Variants in FBN3 observed in about 807,000 individuals in gnomAD.
The protein encoded by FBN3 is fibrillin 3, also known as fibrillin-3.
In FBN3, 234 loss-of-function variants were observed where a neutral mutation model predicts 330.1. The observed-to-expected ratio is 0.71, with a 90% CI of 0.64 to 0.79. FBN3 has a LOEUF of 0.79. FBN3 is among the 30% of genes least tolerant of loss of function. FBN3 has a pLI of 0.00. For missense variants in FBN3, 3,606 were observed against 3,886.9 expected (o/e 0.93, Z 1.92); for synonymous variants, 1,458 against 1,517.3 (o/e 0.96, Z 0.91).
chr19:8,111,904 C>T (rs2082594975), intron 31 of FBN3, 73 bp downstream of exon 31: 2 of 828,416 alleles, frequency 2.4e-6, no homozygotes, highest in African/African-American at 3.8e-5. Context: ...CCTCCCACTG[C>T]CTTGCCCCCC....
intron 10 of FBN3, among the ~76,000 whole-genome samples, chr19:8,137,519 T>A (rs993089989): frequency 6.6e-6 from 1 of 152,094 alleles, no homozygotes; most frequent in African/African-American, 2.4e-5. Flanking sequence ...CAAATCCTCA[T>A]TATGGGGCAA....
Position 8,088,068 on chromosome 19 carries a change from G to T in FBN3, c.6488C>A (p.Thr2163Asn), listed in dbSNP as rs2082008545. ...ADGFEPGLMM[T>N]CEDIDECSLN... ...GGCAAGCAGAGTTGTACCCTCGCAG[G>T]TCATCATGAGGCCAGGCTCAAAGCC... Residue 2163 changes from threonine (T) to asparagine (N), a missense_variant, in exon 52 of 64, where the codon ACC becomes AAC. Transcript: ENST00000600128. 3.7e-6 allele frequency: 6 copies of T among 1,614,096 alleles called. No homozygotes were observed. The highest frequency in any genetic ancestry group is 3.3e-5 in the Admixed American group (2 of 60,024).
At chr19:8,092,163 G>A (rs1342226422) in intron 47 of FBN3, among the ~76,000 whole-genome samples, 1 of 149,972 alleles carries the variant, frequency 6.7e-6, no homozygotes, top group Non-Finnish European at 1.5e-5. Context: ...GGGTGACAGA[G>A]CGAGACTCTG....
chr19:8,142,099 C>A lies in FBN3; in HGVS notation c.580G>T (p.Glu194Ter). 1.2e-6 allele frequency: 2 copies of A among 1,613,098 alleles called. No individual in the cohort carries two copies. Among genetic ancestry groups the A allele is most frequent in the East Asian group, 2.2e-5 (1 of 44,844 alleles). Residue 194 changes from glutamate (E) to a stop codon, truncating the protein, a stop_gained, in exon 7 of 64, where the codon GAG becomes TAG. Coordinates refer to ENST00000600128, the MANE Select transcript of FBN3 (RefSeq NM_032447.5). LOFTEE classifies it high-confidence loss of function. The stretch of plus-strand genomic sequence containing the variant: ...CCCGTCAGCTGATGCTGGCACCCCT[C>A]GGGGCCTACTTGGCCAAAGCAGGGT... Reference protein sequence around the residue: ...TGPCFGQVGPEGCQHQLTGLV... With the variant: ...TGPCFGQVGP
chr19:8,077,923 A>G lies in FBN3; in HGVS notation c.7454-2512T>C, dbSNP rs181851678. On this transcript the variant is annotated intron_variant, in intron 59 of 63. Coordinates refer to ENST00000600128, the MANE Select transcript of FBN3 (RefSeq NM_032447.5). The stretch of plus-strand genomic sequence containing the variant: ...AAAACCCCGTCTCTACAAAAAATAC[A>G]AAAATTAGCCGGGCGTGGTGGCACA... Among the ~76,000 whole-genome samples, 3 of 152,078 alleles carry G rather than the reference A, an allele frequency of 2.0e-5. No individual in the cohort carries two copies. In the East Asian group the frequency reaches 5.8e-4, roughly 29 times the overall value.
intron 6 of FBN3, among the ~76,000 whole-genome samples, chr19:8,143,267 C>G (rs1323646616): frequency 6.6e-6 from 1 of 152,164 alleles, no homozygotes; most frequent in East Asian, 1.9e-4. Flanking sequence ...GCCATCTCAG[C>G]CCCAGGCCTG....
chr19:8,139,566 T>C (rs1038605060), intron 8 of FBN3, among the ~76,000 whole-genome samples: 4 of 151,724 alleles, frequency 2.6e-5, no homozygotes, highest in Non-Finnish European at 5.9e-5. Context: ...TGTCTTTGCT[T>C]GCTGGCTTCA....
intron 48 of FBN3, among the ~76,000 whole-genome samples, chr19:8,090,485 T>G (rs369575321): frequency 3.2e-5 from 2 of 61,674 alleles, no homozygotes; most frequent in African/African-American, 5.4e-5. Context: ...GTGGTGGTGG[T>G]GGTTTTTTTT....
intron 59 of FBN3, among the ~76,000 whole-genome samples, chr19:8,079,202 C>G (rs1347213774): frequency 3.3e-5 from 5 of 152,076 alleles, no homozygotes. Context: ...TTGTGAATAG[C>G]CACTGTACTC....
chr19:8,125,393 GA>G (rs1470463974), intron 22 of FBN3, among the ~76,000 whole-genome samples: 1 of 150,552 alleles, frequency 6.6e-6, no homozygotes. Flanking sequence ...CTGCCTGGGT[GA>G]CAGAGTGAGA....
At chr19:8,128,225 T>C (rs1306898005) in intron 18 of FBN3, among the ~76,000 whole-genome samples, 3 of 152,100 alleles carry the variant, frequency 2.0e-5, no homozygotes, top group Admixed American at 2.0e-4. Flanking sequence ...CCCCTGAGTG[T>C]GTACAACCAT....
At chr19:8,117,056 G>T in intron 28 of FBN3, 113 bp downstream of exon 28, 1 of 1,469,494 alleles carries the variant, frequency 6.8e-7, no homozygotes. Flanking sequence ...GGGGTGCCTC[G>T]GGTCTGGCTG....
rs762246052 is a variant in FBN3 at position 8,126,524 on chromosome 19, T to A, written c.2498A>T (p.Glu833Val). 75 of 1,613,120 alleles carry A rather than the reference T, an allele frequency of 4.6e-5. 1 individual carries two copies. In the South Asian group the frequency reaches 8.1e-4, roughly 17 times the overall value. ...GGCTGCCCCGAGGGTGGCGCAGCAC[T>A]CAGACCGCAGGCTGGCTCCCTGAAG... The part of the protein sequence containing the change: ...VNLQGASLRS[E>V]CCATLGAAWG... The change falls in exon 20 of 64, where the codon GAG (glutamate) becomes GTG (valine). Residue 833 changes from glutamate to valine, a missense_variant. Physicochemically the swap from Glu to Val is moderately radical, Grantham distance 121. Transcript: ENST00000600128.
At chr19:8,134,643 T>G (rs2083235596) in intron 13 of FBN3, among the ~76,000 whole-genome samples, 1 of 151,932 alleles carries the variant, frequency 6.6e-6, no homozygotes, top group African/African-American at 2.4e-5. Flanking sequence ...CACAAAAAAA[T>G]AAATACATGG....
rs145943652 is a variant in FBN3 at position 8,100,938 on chromosome 19, C to G, written c.5124G>C (p.Pro1708=). 1 of 1,613,696 alleles carries G rather than the reference C, an allele frequency of 6.2e-7. No individual in the cohort carries two copies. The highest frequency in any genetic ancestry group is 8.5e-7 in the Non-Finnish European group (1 of 1,179,848). ...DYQILCGNQA[P]GFLTDIHTGK... ...CCGTGTGGATGTCAGTGAGGAATCC[C>G]GGGGCCTGATTTCCACACAGGATCT... The change falls in exon 41 of 64, where the codon CCG becomes CCC. Residue 1708 remains proline, a synonymous_variant. Transcript: ENST00000600128.
chr19:8,108,082 A>G (rs2144803596), intron 37 of FBN3, 88 bp downstream of exon 37: 1 of 1,154,656 alleles, frequency 8.7e-7, no homozygotes, highest in Admixed American at 2.2e-5. Context: ...GGACAAAACT[A>G]CTCAACTCTA....
In FBN3 at chr19:8,130,572, G is replaced by GAAAGAAAGAAAGAAAA. The variant is rs2083101984; in HGVS notation, c.2044+662_2044+663insTTTTCTTTCTTTCTTT. 5.9e-4 allele frequency among the ~76,000 whole-genome samples: 3 copies of GAAAGAAAGAAAGAAAA among 5,058 alleles called. 1 individual carries two copies. The highest frequency in any genetic ancestry group is 4.5e-4 in the Non-Finnish European group (1 of 2,238). The allele number at this position is 5,058 out of a possible 152,430, so 3.3% of individuals were successfully genotyped here. Reference sequence around the variant, plus strand: ...AAAGAGAGAGAGAGAGAGAAGGAAAGAAAGAAAGAATGAAAGAAAGAAAGA... The same window carrying GAAAGAAAGAAAGAAAA: ...AAAGAGAGAGAGAGAGAGAAGGAAAGAAAGAAAGAAAGAAAAAAAGAAAGAATGAAAGAAAGAAAGA... On this transcript the variant is annotated intron_variant, in intron 16 of 63. Coordinates refer to ENST00000600128, the MANE Select transcript of FBN3 (RefSeq NM_032447.5).
chr19:8,109,262 C>A lies in FBN3; in HGVS notation c.4583G>T (p.Gly1528Val). The A allele has an allele frequency of 3.7e-6, 6 of 1,614,170 alleles. No homozygotes were observed. Among genetic ancestry groups the A allele is most frequent in the South Asian group, 1.1e-5 (1 of 91,086 alleles). The part of the protein sequence containing the change: ...SCCCSLGRAW[G>V]NPCELCPMAN... ...CATAGGGCACAGCTCACAGGGATTG[C>A]CCCAAGCCCGGCCCAGGGAGCAACA... Residue 1528 changes from glycine (G) to valine (V), a missense_variant, in exon 36 of 64, where the codon GGC (glycine) becomes GTC (valine). By Grantham distance (109) the Gly-to-Val change is moderately radical. Coordinates refer to ENST00000600128, the MANE Select transcript of FBN3 (RefSeq NM_032447.5). This position sits in a 1 kb window ranked among gnomAD's most constrained non-coding sequence, Gnocchi z 5.2.
At chr19:8,090,315 A>AC in intron 48 of FBN3, 64 bp from the exon 49 acceptor site, 1 of 1,576,450 alleles carries the variant, frequency 6.3e-7, no homozygotes, top group Non-Finnish European at 8.7e-7. Flanking sequence ...TGCCCCTGTG[A>AC]CCTCCCGCAC....
Sources: gnomAD v4.1 joint callset for allele counts (sites outside exome capture counted in the v4.1 genomes callset) on GRCh38, gnomAD v4.1.1 for gene constraint, Gnocchi (gnomAD v3.1) non-coding constraint, MANE v1.5 for transcripts, NCBI Gene and HGNC (gene_info 2026-07-23, HGNC 2026-07-21) for gene names.